FBLIM1: variants seen among roughly 807,000 people sequenced by gnomAD.
FBLIM1 encodes the protein filamin binding LIM protein 1, also known as filamin-binding LIM protein 1.
FBLIM1 carries 29 observed loss-of-function variants against 37.4 expected under a neutral mutation model. That is an observed-to-expected ratio of 0.77 (90% confidence interval 0.58 to 1.06). The LOEUF (loss-of-function observed/expected upper bound fraction) is 1.06, where lower values mean the gene tolerates loss of function less well. Among genes scored for constraint, FBLIM1 ranks in the 50% least tolerant of loss-of-function variants. The probability of loss-of-function intolerance (pLI) is 0.00; values close to 1 mark genes in which losing one functional copy is unlikely to be tolerated. For missense variants in FBLIM1, 449 were observed against 505.6 expected, an observed-to-expected ratio of 0.89 and a Z score of 1.07; for synonymous variants, 193 against 199.0, an observed-to-expected ratio of 0.97 and a Z score of 0.25.
At chr1:15,781,943 C>T (rs983057920) in intron 8 of FBLIM1, among the ~76,000 whole-genome samples, 7 of 151,820 alleles carry the variant, frequency 4.6e-5, no homozygotes, top group East Asian at 2.0e-4. Flanking sequence ...TGGTCTTGAT[C>T]TCCTGACCTC....
Position 15,765,187 on chromosome 1 carries a change from A to G in FBLIM1, c.204A>G (p.Arg68=), listed in dbSNP as rs1423170449. 3.1e-6 allele frequency: 5 copies of G among 1,613,568 alleles called. No homozygotes were observed. The African/African-American group carries it at 4.0e-5, about 13-fold the overall frequency. The change falls in exon 3 of 9, where the codon AGA becomes AGG. Residue 68 remains arginine, a synonymous_variant. Transcript: ENST00000375766. This position sits in a 1 kb window ranked among gnomAD's most constrained non-coding sequence, Gnocchi z 5.9. The stretch of plus-strand genomic sequence containing the variant: ...CCAGCCCCTGGACAACCCCTGGCAG[A>G]GCTGCAGCCACAGTGCCGGCTGCAC... ...GRPSPWTTPG[R]AAATVPAAPM...
At position 15,765,070 on chromosome 1, in the gene FBLIM1, A is replaced by G; in HGVS notation, c.87A>G (p.Glu29=). The G allele has an allele frequency of 1.2e-6, 2 of 1,614,030 alleles. No individual in the cohort carries two copies. The highest frequency in any genetic ancestry group is 1.7e-6 in the Non-Finnish European group (2 of 1,179,976). The change falls in exon 3 of 9, where the codon GAA becomes GAG. Residue 29 remains glutamate, a synonymous_variant. Coordinates refer to ENST00000375766, the MANE Select transcript of FBLIM1 (RefSeq NM_017556.4). The surrounding 1 kb of genome is among the most constrained non-coding windows in gnomAD (Gnocchi z 5.9). ...GCCGCGATGTGGCCGTGGCGGAGGA[A>G]GTGAGGCAGGCAGTTTGTGAGGCCC... The part of the protein sequence containing the change: ...PPRRDVAVAE[E]VRQAVCEARR...
intron 2 of FBLIM1, 89 bp from the exon 3 acceptor site, chr1:15,764,875 T>G: frequency 1.4e-6 from 2 of 1,452,672 alleles, no homozygotes; most frequent in Non-Finnish European, 1.8e-6. Context: ...TGGCCTGTCT[T>G]TTTGGGAGGA....
chr1:15,784,710 T>C lies in FBLIM1; in HGVS notation c.*49T>C, dbSNP rs1028456840. ...GACCACTAGCCCCGGCTGGGGCCCT[T>C]CCCTGACTTGGTTTCCCTTCCTAAC... On this transcript the variant is annotated 3_prime_UTR_variant, in exon 9 of 9. Coordinates refer to ENST00000375766, the MANE Select transcript of FBLIM1 (RefSeq NM_017556.4). The C allele has an allele frequency of 1.3e-6, 2 of 1,549,428 alleles. No homozygotes were observed. The highest frequency in any genetic ancestry group is 2.7e-5 in the African/African-American group (2 of 73,540).
At chr1:15,779,848 T>G (rs1186090086) in intron 8 of FBLIM1, among the ~76,000 whole-genome samples, 6 of 152,130 alleles carry the variant, frequency 3.9e-5, no homozygotes, top group Non-Finnish European at 8.8e-5. Context: ...TTTGAAGTTC[T>G]GCTATTGCTG....
At chr1:15,777,449 A>C (rs949707195) in intron 8 of FBLIM1, among the ~76,000 whole-genome samples, 162 bp downstream of exon 8, 3 of 151,988 alleles carry the variant, frequency 2.0e-5, no homozygotes, top group African/African-American at 4.8e-5. Flanking sequence ...ACCATAGTCT[A>C]TTATCAACTC....
chr1:15,784,665 T>C lies in FBLIM1; in HGVS notation c.*4T>C. ...GAGTGCTGCGGGGTGCTGCTGAGAG[T>C]GCCCGCTGGGCAGTGAACAGACCAC... On this transcript the variant is annotated 3_prime_UTR_variant, in exon 9 of 9. Transcript: ENST00000375766. 6.2e-7 allele frequency: 1 copy of C among 1,613,184 alleles called. No homozygotes were observed.
intron 1 of FBLIM1, among the ~76,000 whole-genome samples, chr1:15,759,179 C>T (rs1431499108): frequency 6.6e-6 from 1 of 152,168 alleles, no homozygotes; most frequent in Non-Finnish European, 1.5e-5. Flanking sequence ...CGGAGTCCCG[C>T]ACATGGATCG....
At chr1:15,760,428 G>A (rs1262623678) in intron 1 of FBLIM1, among the ~76,000 whole-genome samples, 1 of 151,832 alleles carries the variant, frequency 6.6e-6, no homozygotes, top group Non-Finnish European at 1.5e-5. Flanking sequence ...TACTCAGGAG[G>A]CTGAGGCAGG....
At chr1:15,764,901 C>T (rs942485221) in intron 2 of FBLIM1, 63 bp from the exon 3 acceptor site, 2 of 1,520,964 alleles carry the variant, frequency 1.3e-6, no homozygotes, top group Non-Finnish European at 1.8e-6. Context: ...GCTCTCTCCT[C>T]TCGGGGGAGG....
intron 7 of FBLIM1, 33 bp downstream of exon 7, chr1:15,774,829 C>T: frequency 6.2e-7 from 1 of 1,613,898 alleles, no homozygotes; most frequent in African/African-American, 1.3e-5. Context: ...GGGTGGGGTG[C>T]AGGGACAGGG....
intron 4 of FBLIM1, 53 bp downstream of exon 4, chr1:15,767,616 A>G (rs2068991621): frequency 1.7e-6 from 1 of 602,300 alleles, no homozygotes; most frequent in Admixed American, 4.1e-5. Flanking sequence ...TGGTTGGGGC[A>G]CGGGGAGTCT....
intron 4 of FBLIM1, among the ~76,000 whole-genome samples, chr1:15,768,130 G>C (rs1160055637): frequency 6.6e-6 from 1 of 152,132 alleles, no homozygotes; most frequent in African/African-American, 2.4e-5. Flanking sequence ...TGATCCGCAT[G>C]GCTCGGCCTC....
chr1:15,777,312 T>C (rs1368242688), intron 8 of FBLIM1, 25 bp downstream of exon 8: 1 of 1,555,872 alleles, frequency 6.4e-7, no homozygotes, highest in Admixed American at 1.7e-5. Context: ...GGTGGTTTAA[T>C]AACATTCCAT....
chr1:15,773,420 T>C (rs71631751), intron 6 of FBLIM1, among the ~76,000 whole-genome samples: 1 of 151,050 alleles, frequency 6.6e-6, no homozygotes, highest in Non-Finnish European at 1.5e-5. Flanking sequence ...GGCTCACGCC[T>C]GTAATCCCAG....
intron 8 of FBLIM1, among the ~76,000 whole-genome samples, chr1:15,779,420 T>C (rs947498188): frequency 3.3e-5 from 5 of 152,054 alleles, no homozygotes; most frequent in Non-Finnish European, 5.9e-5. Context: ...TTCTCCTGCC[T>C]CAGCCTACCA....
Position 15,764,978 on chromosome 1 carries a change from G to A in FBLIM1, c.-6G>A. 1.9e-6 allele frequency: 3 copies of A among 1,610,846 alleles called. No homozygotes were observed. The highest frequency in any genetic ancestry group is 2.5e-6 in the Non-Finnish European group (3 of 1,178,486). ...TCTGTCCCTAGCCACACCAGGAGCT[G>A]AAGCCATGGCCTCAAAGCCTGAGAA... On this transcript the variant is annotated 5_prime_UTR_variant, in exon 3 of 9. Transcript: ENST00000375766.
chr1:15,770,538 A>G lies in FBLIM1; in HGVS notation c.671A>G (p.Tyr224Cys). The G allele has an allele frequency of 9.3e-6, 15 of 1,613,802 alleles. No individual in the cohort carries two copies. Among genetic ancestry groups the G allele is most frequent in the Non-Finnish European group, 1.3e-5 (15 of 1,180,006 alleles). Residue 224 changes from tyrosine to cysteine, a missense_variant, in exon 6 of 9, where the codon TAC (tyrosine) becomes TGC (cysteine). Coordinates refer to ENST00000375766, the MANE Select transcript of FBLIM1 (RefSeq NM_017556.4). The stretch of plus-strand genomic sequence containing the variant: ...CGCCAGCTGGCTGGGCAGAGCTTCT[A>G]CCAGAAGGATGGGCGACCCCTCTGC... ...CRRQLAGQSF[Y>C]QKDGRPLCEP...
intron 5 of FBLIM1, 49 bp from the exon 6 acceptor site, chr1:15,770,360 C>T (rs936810880): frequency 1.3e-6 from 2 of 1,585,122 alleles, no homozygotes; most frequent in Non-Finnish European, 1.7e-6. Flanking sequence ...TGCCTGGGTA[C>T]AGTCCTCACA....
Sources: gnomAD v4.1 joint callset for allele counts (sites outside exome capture counted in the v4.1 genomes callset) on GRCh38, gnomAD v4.1.1 for gene constraint, Gnocchi (gnomAD v3.1) non-coding constraint, MANE v1.5 for transcripts, NCBI Gene and HGNC (gene_info 2026-07-23, HGNC 2026-07-21) for gene names.